UNC13C: variants seen among roughly 807,000 people sequenced by gnomAD.
UNC13C encodes unc-13 homolog C.
UNC13C carries 174 observed loss-of-function variants against 245.4 expected under a neutral mutation model. The ratio of observed to expected loss-of-function variants is 0.71; its 90% CI spans 0.63 to 0.80. UNC13C has a LOEUF of 0.80. UNC13C is among the 30% of genes least tolerant of loss of function. The pLI, the probability that UNC13C is intolerant of heterozygous loss-of-function variation, is 0.00. For missense variants in UNC13C, 2,829 were observed against 2,602.9 expected, an observed-to-expected ratio of 1.09 and a Z score of -1.89; for synonymous variants, 992 against 895.1, an observed-to-expected ratio of 1.11 and a Z score of -1.93.
At chr15:53,914,761 G>C in the UNC13C span, 1 of 152,122 alleles carries the variant, frequency 6.6e-6, no homozygotes, top group Non-Finnish European at 1.5e-5. Context: ...ACTCCCTCCA[G>C]ACCTCATCAT....
intron 29 of UNC13C, among the ~76,000 whole-genome samples, chr15:54,567,087 A>G (rs77254453): frequency 0.031 from 4,688 of 152,214 alleles, 244 homozygotes; most frequent in African/African-American, 0.11. Flanking sequence ...CTGTCTGTGC[A>G]TAACACTTGT....
intron 13 of UNC13C, among the ~76,000 whole-genome samples, chr15:54,318,530 G>C (rs2038067195): frequency 1.3e-5 from 2 of 151,732 alleles, no homozygotes; most frequent in African/African-American, 4.8e-5. Flanking sequence ...GTCTTCTTTT[G>C]AAAACTGCCT....
At chr15:54,510,369 GATGCTGA>G (rs928974666) in intron 23 of UNC13C, among the ~76,000 whole-genome samples, 4 of 152,222 alleles carry the variant, frequency 2.6e-5, no homozygotes, top group Middle Eastern at 6.8e-3. Flanking sequence ...TTTGGTTCAA[GATGCTGA>G]ATCCTCTGAA....
chr15:54,414,809 C>G (rs2040485456), intron 18 of UNC13C, among the ~76,000 whole-genome samples, 173 bp from the exon 19 acceptor site: 1 of 151,770 alleles, frequency 6.6e-6, no homozygotes, highest in African/African-American at 2.4e-5. Flanking sequence ...ACATTAAACT[C>G]TAGTGTGTAA....
intron 19 of UNC13C, among the ~76,000 whole-genome samples, chr15:54,453,981 G>A (rs1891329527): frequency 1.3e-5 from 2 of 151,960 alleles, no homozygotes; most frequent in African/African-American, 2.4e-5. Context: ...CTGTGGATTG[G>A]CATATTCCAG....
intron 18 of UNC13C, among the ~76,000 whole-genome samples, chr15:54,402,726 G>C (rs530351601): frequency 2.0e-5 from 3 of 152,006 alleles, no homozygotes; most frequent in Non-Finnish European, 4.4e-5. Context: ...ACTAACTTAC[G>C]CAAAATGACT....
At chr15:54,444,326 T>C (rs1002257118) in intron 19 of UNC13C, among the ~76,000 whole-genome samples, 1 of 150,968 alleles carries the variant, frequency 6.6e-6, no homozygotes, top group Non-Finnish European at 1.5e-5. Context: ...ATATATATAA[T>C]ATGTCATATA....
At chr15:54,019,977 C>T (rs1397861891) in intron 2 of UNC13C, among the ~76,000 whole-genome samples, 2 of 152,050 alleles carry the variant, frequency 1.3e-5, no homozygotes, top group African/African-American at 4.8e-5. Context: ...AATATATGCC[C>T]TTTAATAAAA....
chr15:53,893,412 C>T, the UNC13C span, among the ~76,000 whole-genome samples: 332 of 152,330 alleles, frequency 2.2e-3, 5 homozygotes, highest in East Asian at 0.036. Context: ...CTCTTCAGAG[C>T]TGTGAGGCAG....
chr15:54,270,293 C>G (rs1443723683), intron 10 of UNC13C, among the ~76,000 whole-genome samples: 1 of 152,108 alleles, frequency 6.6e-6, no homozygotes, highest in African/African-American at 2.4e-5. Context: ...TCATCCATAC[C>G]TTCCCCTCCC....
chr15:54,588,709 TCC>T lies in UNC13C; in HGVS notation c.6106+20764_6106+20765del, dbSNP rs1898615273. 2.6e-5 allele frequency among the ~76,000 whole-genome samples: 4 copies of T among 152,160 alleles called. No individual in the cohort carries two copies. The South Asian group carries it at 8.3e-4, about 32-fold the overall frequency. Reference sequence around the variant, plus strand: ...TGCATTTGCATCCTTATAGCTTAGCTCCCATATATCATTGAGAACATGCAATG... The same window carrying T: ...TGCATTTGCATCCTTATAGCTTAGCTCATATATCATTGAGAACATGCAATG... On this transcript the variant is annotated intron_variant, in intron 30 of 32. Coordinates refer to ENST00000260323, the MANE Select transcript of UNC13C (RefSeq NM_001080534.3).
intron 4 of UNC13C, among the ~76,000 whole-genome samples, chr15:54,171,527 G>A (rs892285764): frequency 6.6e-6 from 1 of 152,044 alleles, no homozygotes; most frequent in Non-Finnish European, 1.5e-5. Context: ...GATCACCAGG[G>A]AAATGCAAAT....
At position 54,555,526 on chromosome 15, in the gene UNC13C, G is replaced by A. The variant is rs62022211; in HGVS notation, c.5958+14G>A. ...GCTACCATCAAGGTGAGATTATAAT[G>A]CTCCTATATATACATCGAGAGAGGC... is the stretch of plus-strand genomic sequence containing the variant. On this transcript the variant is annotated intron_variant, in intron 29 of 32. Transcript: ENST00000260323. 0.056 allele frequency: 89,014 copies of A among 1,598,276 alleles called. 3,108 individuals are homozygous for A. The highest frequency in any genetic ancestry group is 0.15 in the Admixed American group (8,830 of 59,086).
At chr15:54,475,281 T>TTTATTATTA (rs60034401) in intron 19 of UNC13C, among the ~76,000 whole-genome samples, 3 of 105,024 alleles carry the variant, frequency 2.9e-5, no homozygotes, top group African/African-American at 1.2e-4. Context: ...TGGTTTTTTG[T>TTTATTATTA]TTATTATTAT....
intron 4 of UNC13C, among the ~76,000 whole-genome samples, chr15:54,223,377 C>T (rs2140790296): frequency 6.6e-6 from 1 of 152,002 alleles, no homozygotes; most frequent in South Asian, 2.1e-4. Flanking sequence ...TTTTTTGGCA[C>T]ATTTGTTGAA....
chr15:53,916,244 G>A, the UNC13C span, among the ~76,000 whole-genome samples: 1 of 152,178 alleles, frequency 6.6e-6, no homozygotes, highest in African/African-American at 2.4e-5. Context: ...ACTGAGCCCT[G>A]TAACTATAAT....
chr15:54,212,580 C>A (rs1162376489), intron 4 of UNC13C, among the ~76,000 whole-genome samples: 1 of 152,056 alleles, frequency 6.6e-6, no homozygotes, highest in African/African-American at 2.4e-5. Context: ...ACAAAGTCTT[C>A]TTTTGCTTCT....
chr15:54,596,745 T>G (rs147263295), intron 30 of UNC13C, among the ~76,000 whole-genome samples: 1 of 152,306 alleles, frequency 6.6e-6, no homozygotes, highest in East Asian at 1.9e-4. Flanking sequence ...GAGTGATTTA[T>G]TGCTCTATTA....
rs7182696 is a variant in UNC13C at position 54,124,980 on chromosome 15, G to C, written c.2984-18038G>C. Among the ~76,000 whole-genome samples, 4 of 151,892 alleles carry C rather than the reference G, an allele frequency of 2.6e-5. No individual in the cohort carries two copies. In the South Asian group the frequency reaches 8.3e-4, roughly 31 times the overall value. On this transcript the variant is annotated intron_variant, in intron 2 of 32. Coordinates refer to ENST00000260323, the MANE Select transcript of UNC13C (RefSeq NM_001080534.3). The stretch of plus-strand genomic sequence containing the variant: ...GGGTCTTTTTCTGGGCTCTCTATTC[G>C]GTTTCATAAATCTAAATGCCATTCC...
Sources: gnomAD v4.1 joint callset for allele counts (sites outside exome capture counted in the v4.1 genomes callset) on GRCh38, gnomAD v4.1.1 for gene constraint, MANE v1.5 for transcripts, NCBI Gene and HGNC (gene_info 2026-07-23, HGNC 2026-07-21) for gene names.